GRID2: variants seen among roughly 807,000 people sequenced by gnomAD.
The protein encoded by GRID2 is glutamate ionotropic receptor delta type subunit 2, also known as glutamate receptor ionotropic, delta-2.
GRID2 carries 33 observed loss-of-function variants against 114.8 expected under a neutral mutation model. The observed-to-expected ratio is 0.29, with a 90% CI of 0.22 to 0.38. GRID2 has a LOEUF of 0.38. Ranked by LOEUF, GRID2 falls within the 10% of genes least tolerant of loss-of-function variation. The pLI is 1.00. For missense variants in GRID2, 1,184 were observed against 1,257.7 expected (o/e 0.94, Z 0.89); for synonymous variants, 505 against 449.9 (o/e 1.12, Z -1.55).
At chr4:92,337,114 C>G (rs1399259194) in intron 1 of GRID2, among the ~76,000 whole-genome samples, 2 of 151,886 alleles carry the variant, frequency 1.3e-5, no homozygotes, top group African/African-American at 4.8e-5. Flanking sequence ...CTTGTCAGAG[C>G]CATATCTCCA....
At chr4:93,354,505 C>T (rs975739475) in intron 8 of GRID2, among the ~76,000 whole-genome samples, 1 of 151,770 alleles carries the variant, frequency 6.6e-6, no homozygotes, top group Non-Finnish European at 1.5e-5. Flanking sequence ...TGAGTGTTCC[C>T]TGAGGACAAA....
intron 9 of GRID2, among the ~76,000 whole-genome samples, chr4:93,401,612 T>C (rs535727942): frequency 6.6e-6 from 1 of 152,222 alleles, no homozygotes; most frequent in African/African-American, 2.4e-5. Flanking sequence ...GAAAAGGCAG[T>C]AGGAAATATA....
At chr4:93,664,003 A>T (rs1723738228) in intron 14 of GRID2, among the ~76,000 whole-genome samples, 1 of 152,156 alleles carries the variant, frequency 6.6e-6, no homozygotes, top group Admixed American at 6.6e-5. Context: ...AATGAGTGGA[A>T]TGAGTTGTGG....
intron 2 of GRID2, among the ~76,000 whole-genome samples, chr4:92,763,702 G>A (rs1738130216): frequency 6.6e-6 from 1 of 152,158 alleles, no homozygotes; most frequent in African/African-American, 2.4e-5. Context: ...TTAAATGAGT[G>A]GGGATACGAA....
intron 9 of GRID2, among the ~76,000 whole-genome samples, chr4:93,417,093 AT>A (rs1767790998): frequency 1.3e-5 from 2 of 152,148 alleles, no homozygotes; most frequent in African/African-American, 2.4e-5. Flanking sequence ...TGGAAAATGA[AT>A]TTTAATGACA....
At chr4:93,172,141 T>A (rs1212710711) in intron 4 of GRID2, among the ~76,000 whole-genome samples, 1 of 152,128 alleles carries the variant, frequency 6.6e-6, no homozygotes, top group Admixed American at 6.5e-5. Context: ...CCACAAGAAT[T>A]GTTCAATTAA....
chr4:93,472,120 T>G (rs1724900468), intron 11 of GRID2, among the ~76,000 whole-genome samples: 1 of 148,072 alleles, frequency 6.8e-6, no homozygotes, highest in Non-Finnish European at 1.5e-5. Context: ...AGGTTGGGAG[T>G]TCAAGACCAG....
chr4:93,131,640 T>C (rs568185995), intron 4 of GRID2, among the ~76,000 whole-genome samples: 50 of 152,090 alleles, frequency 3.3e-4, no homozygotes, highest in Non-Finnish European at 6.2e-4. Context: ...TTAATTTTTA[T>C]AGATGCATAC....
chr4:92,909,064 A>G (rs1398972394), intron 2 of GRID2, among the ~76,000 whole-genome samples: 1 of 152,176 alleles, frequency 6.6e-6, no homozygotes, highest in Non-Finnish European at 1.5e-5. Flanking sequence ...GGCAGATTTT[A>G]AATTATATAC....
intron 1 of GRID2, among the ~76,000 whole-genome samples, chr4:92,566,464 C>T (rs978299089): frequency 6.6e-6 from 1 of 151,924 alleles, no homozygotes; most frequent in African/African-American, 2.4e-5. Context: ...CATGTTAAGC[C>T]TGACTGGATC....
intron 1 of GRID2, among the ~76,000 whole-genome samples, chr4:93,793,564 T>G (rs1165017828): frequency 6.6e-6 from 1 of 152,200 alleles, no homozygotes; most frequent in Non-Finnish European, 1.5e-5. Context: ...GATGCTTGTC[T>G]GTAATTTAAC....
chr4:92,420,048 G>C (rs1180538060), intron 1 of GRID2, among the ~76,000 whole-genome samples: 3 of 151,896 alleles, frequency 2.0e-5, no homozygotes, highest in Non-Finnish European at 4.4e-5. Context: ...TTATTATTGG[G>C]GATTATAGAG....
intron 11 of GRID2, among the ~76,000 whole-genome samples, chr4:93,462,950 G>A (rs1723891986): frequency 6.6e-6 from 1 of 152,028 alleles, no homozygotes; most frequent in South Asian, 2.1e-4. Context: ...AGGTTAACTC[G>A]ACTACAAAGA....
intron 1 of GRID2, among the ~76,000 whole-genome samples, chr4:92,312,557 G>A (rs1725761735): frequency 6.6e-6 from 1 of 152,066 alleles, no homozygotes; most frequent in South Asian, 2.1e-4. Flanking sequence ...ATGTGTTACT[G>A]TTGACTAATA....
intron 4 of GRID2, among the ~76,000 whole-genome samples, chr4:93,128,729 C>A (rs1175384346): frequency 6.6e-6 from 1 of 152,104 alleles, no homozygotes; most frequent in Non-Finnish European, 1.5e-5. Context: ...CACAAGTTTG[C>A]CTTTTCTGGG....
At chr4:92,889,213 C>T (rs557946708) in intron 2 of GRID2, among the ~76,000 whole-genome samples, 4 of 152,176 alleles carry the variant, frequency 2.6e-5, no homozygotes, top group South Asian at 2.1e-4. Flanking sequence ...ACTTCTATTA[C>T]GTGAATCTCA....
chr4:93,136,232 TTGTGTGTGTGTGTGTGTGTGTG>T (rs3970984), intron 4 of GRID2, among the ~76,000 whole-genome samples: 7 of 142,282 alleles, frequency 4.9e-5, no homozygotes, highest in African/African-American at 1.6e-4. Context: ...CCAACAGTTA[TTGTGTGTGTGTGTGTGTGTGTG>T]TGTGTGTGTG....
intron 8 of GRID2, among the ~76,000 whole-genome samples, chr4:93,336,037 A>G (rs1759054391): frequency 6.6e-6 from 1 of 152,194 alleles, no homozygotes; most frequent in Non-Finnish European, 1.5e-5. Context: ...AAAAATATAG[A>G]CAATTACAAA....
intron 8 of GRID2, among the ~76,000 whole-genome samples, chr4:93,336,384 A>G (rs1274388413): frequency 6.6e-6 from 1 of 152,184 alleles, no homozygotes; most frequent in Non-Finnish European, 1.5e-5. Context: ...GTTTACTGCT[A>G]TATGACATTT....
Sources: allele counts gnomAD v4.1 joint callset (sites outside exome capture counted in the v4.1 genomes callset), GRCh38; gene constraint gnomAD v4.1.1; transcripts MANE v1.5; gene names NCBI Gene and HGNC (gene_info 2026-07-23, HGNC 2026-07-21).